Variants in DPYSL2 observed in about 807,000 individuals in gnomAD.
The protein encoded by DPYSL2 is dihydropyrimidinase-related protein 2.
A neutral mutation model predicts 69.9 loss-of-function variants in DPYSL2; 13 were observed. The observed-to-expected ratio is 0.19, with a 90% CI of 0.12 to 0.30. DPYSL2 has a LOEUF of 0.30. DPYSL2 is among the 10% of genes least tolerant of loss of function. The pLI is 1.00. For missense variants in DPYSL2, 587 were observed against 918.9 expected (o/e 0.64, Z 4.67); for synonymous variants, 326 against 359.1 (o/e 0.91, Z 1.04).
At position 26,564,226 on chromosome 8, in the gene DPYSL2, C is replaced by CCAA. The variant is rs1466932023; in HGVS notation, c.355-17741_355-17739dup. 6.6e-6 allele frequency among the ~76,000 whole-genome samples: 1 copy of CCAA among 152,122 alleles called. No homozygotes were observed. Among genetic ancestry groups the CCAA allele is most frequent in the African/African-American group, 2.4e-5 (1 of 41,414 alleles). On this transcript the variant is annotated intron_variant, in intron 1 of 13. Transcript: ENST00000521913. This position sits in a 1 kb window ranked among gnomAD's most constrained non-coding sequence, Gnocchi z 4.8. ...TTTCTAATGGAGTCAGGCGAAGAGG[C>CCAA]CAACTGTAGTGGGTTGAGAAGCAAA...
chr8:26,617,964 C>G lies in DPYSL2; in HGVS notation c.629-6179C>G. On this transcript the variant is annotated intron_variant, in intron 3 of 13. Coordinates refer to ENST00000521913, the MANE Select transcript of DPYSL2 (RefSeq NM_001197293.3). This position sits in a 1 kb window ranked among gnomAD's most constrained non-coding sequence, Gnocchi z 4.7. Reference sequence around the variant, plus strand: ...GCTCTGTGAGTGAACTAAAAGCCACCGGGTTATACCCTTTAAATGAGTGAT... The same window carrying G: ...GCTCTGTGAGTGAACTAAAAGCCACGGGGTTATACCCTTTAAATGAGTGAT... Among the ~76,000 whole-genome samples the G allele has an allele frequency of 6.6e-6, 1 of 151,986 alleles. No homozygotes were observed. Among genetic ancestry groups the G allele is most frequent in the Middle Eastern group, 3.4e-3 (1 of 294 alleles).
At chr8:26,569,396 A>C (rs1801204006) in intron 1 of DPYSL2, among the ~76,000 whole-genome samples, 1 of 151,656 alleles carries the variant, frequency 6.6e-6, no homozygotes, top group Non-Finnish European at 1.5e-5. Context: ...ACCAAAGAAA[A>C]ACCCAAAGCC....
At position 26,650,391 on chromosome 8, in the gene DPYSL2, A is replaced by G. The variant is rs1803257077; in HGVS notation, c.1597-1866A>G. The stretch of plus-strand genomic sequence containing the variant: ...TTAGCTGTGGAGTGATGTGGAAGAG[A>G]TGGCTCTTGATCCAGGCCTTAAAGG... On this transcript the variant is annotated intron_variant, in intron 11 of 13. Transcript: ENST00000521913. This position sits in a 1 kb window ranked among gnomAD's most constrained non-coding sequence, Gnocchi z 5.3. 6.6e-6 allele frequency among the ~76,000 whole-genome samples: 1 copy of G among 152,180 alleles called. No homozygotes were observed. Among genetic ancestry groups the G allele is most frequent in the South Asian group, 2.1e-4 (1 of 4,822 alleles).
chr8:26,574,650 G>C (rs2129700765), intron 1 of DPYSL2, among the ~76,000 whole-genome samples: 1 of 152,344 alleles, frequency 6.6e-6, no homozygotes. Context: ...GAAAAGTCAT[G>C]CCTGACAAAG....
rs548730223 is a variant in DPYSL2, at chr8:26,643,057, G to A, written c.1127-382G>A. 5.6e-6 allele frequency: 1 copy of A among 177,344 alleles called. No homozygotes were observed. Among genetic ancestry groups the A allele is most frequent in the African/African-American group, 2.4e-5 (1 of 42,370 alleles). 11.0% of individuals were successfully genotyped at this position (177,344 alleles called of 1,614,324 possible). ...AATGAACAGGAAGGTTAAATTTGAG[G>A]TGCCATAGGCCATGCATAAAGAACA... On this transcript the variant is annotated intron_variant, in intron 8 of 13. Transcript: ENST00000521913. This position sits in a 1 kb window ranked among gnomAD's most constrained non-coding sequence, Gnocchi z 6.5.
At chr8:26,590,166 G>A (rs1801693297) in intron 3 of DPYSL2, among the ~76,000 whole-genome samples, 1 of 152,226 alleles carries the variant, frequency 6.6e-6, no homozygotes, top group East Asian at 1.9e-4. Flanking sequence ...GTTAGAAAGT[G>A]TTTACAAAAA....
At chr8:26,537,611 T>TACACACACACACACAC (rs56080102) in intron 1 of DPYSL2, among the ~76,000 whole-genome samples, 12,659 of 147,568 alleles carry the variant, frequency 0.086, 656 homozygotes, top group Non-Finnish European at 0.11. Context: ...ATTCTCTCTC[T>TACACACACACACACAC]ACACACACAC....
At chr8:26,578,365 T>TA in intron 1 of DPYSL2, 1 of 1,601,646 alleles carries the variant, frequency 6.2e-7, no homozygotes, top group Non-Finnish European at 8.5e-7. Context: ...AAGGAATTTT[T>TA]AAAAAGGAGG....
intron 1 of DPYSL2, among the ~76,000 whole-genome samples, chr8:26,531,487 A>G (rs919215102): frequency 2.6e-5 from 4 of 152,206 alleles, no homozygotes; most frequent in Non-Finnish European, 5.9e-5. Context: ...GAGATCAGTC[A>G]GGGAGAATGT....
At position 26,514,802 on chromosome 8, in the gene DPYSL2, G is replaced by A; in HGVS notation, c.354+123G>A. The A allele has an allele frequency of 3.4e-6, 3 of 892,242 alleles. No individual in the cohort carries two copies. The highest frequency in any genetic ancestry group is 4.7e-6 in the Non-Finnish European group (3 of 642,246). The allele number at this position is 892,242 out of a possible 1,614,324, so 55.3% of individuals were successfully genotyped here. On this transcript the variant is annotated intron_variant, in intron 1 of 13. Coordinates refer to ENST00000521913, the MANE Select transcript of DPYSL2 (RefSeq NM_001197293.3). The surrounding 1 kb of genome is among the most constrained non-coding windows in gnomAD (Gnocchi z 8.4). ...TGGACCTCGCCTCCCGCATCTGCAC[G>A]CGCACCCCGCCCTACCCGCCCCTTC... is the stretch of plus-strand genomic sequence containing the variant.
At chr8:26,546,681 A>G (rs903113523) in intron 1 of DPYSL2, among the ~76,000 whole-genome samples, 40 of 152,082 alleles carry the variant, frequency 2.6e-4, no homozygotes, top group Admixed American at 1.8e-3. Flanking sequence ...GCACTTTGGG[A>G]GGCCGAGACG....
chr8:26,528,428 C>T (rs1468675045), intron 1 of DPYSL2, among the ~76,000 whole-genome samples: 3 of 152,024 alleles, frequency 2.0e-5, no homozygotes, highest in Non-Finnish European at 2.9e-5. Flanking sequence ...GCGGGTGGAT[C>T]CCGAGGTCAA....
intron 1 of DPYSL2, among the ~76,000 whole-genome samples, chr8:26,520,564 T>TGTCTATCA (rs1479581090): frequency 6.6e-6 from 1 of 152,044 alleles, no homozygotes; most frequent in Non-Finnish European, 1.5e-5. Flanking sequence ...GCTGACATTC[T>TGTCTATCA]GTCTATCATT....
Position 26,582,833 on chromosome 8 carries a change from C to T in DPYSL2, c.443+776C>T, listed in dbSNP as rs1023025769. On this transcript the variant is annotated intron_variant, in intron 2 of 13. Transcript: ENST00000521913. This position sits in a 1 kb window ranked among gnomAD's most constrained non-coding sequence, Gnocchi z 4.1. Reference sequence around the variant, plus strand: ...CATTCATCAAGGGATAGCTGTAAACCGGTCCAGAGGAGTGGAAAACTGGAG... The same window carrying T: ...CATTCATCAAGGGATAGCTGTAAACTGGTCCAGAGGAGTGGAAAACTGGAG... Among the ~76,000 whole-genome samples the T allele has an allele frequency of 6.6e-6, 1 of 152,166 alleles. No homozygotes were observed. The highest frequency in any genetic ancestry group is 1.9e-4 in the East Asian group (1 of 5,194).
chr8:26,634,909 T>G lies in DPYSL2; in HGVS notation c.1126+9T>G, dbSNP rs778681165. On this transcript the variant is annotated intron_variant, in intron 8 of 13. Transcript: ENST00000521913. ...CCAGGCACGGAAGAAGGGTGAGTGC[T>G]GTGGCCGGACTGGCTGATGGCAGGT... is the stretch of plus-strand genomic sequence containing the variant. 2 of 1,614,060 alleles carry G rather than the reference T, an allele frequency of 1.2e-6. No individual in the cohort carries two copies. Among genetic ancestry groups the G allele is most frequent in the Admixed American group, 3.3e-5 (2 of 60,024 alleles).
chr8:26,578,680 ACTCC>A, intron 1 of DPYSL2: 1 of 942,512 alleles, frequency 1.1e-6, no homozygotes, highest in Non-Finnish European at 1.3e-6. Flanking sequence ...GCGAGGCTGG[ACTCC>A]TCCAGCAGCG....
Position 26,614,032 on chromosome 8 carries a change from A to C in DPYSL2, c.629-10111A>C, listed in dbSNP as rs1263648750. ...GTGGTCCCAGCTACTCGGGAGGTTG[A>C]GGTGGGAGGATCGCTTGAGTCCTGG... On this transcript the variant is annotated intron_variant, in intron 3 of 13. Transcript: ENST00000521913. The surrounding 1 kb of genome is among the most constrained non-coding windows in gnomAD (Gnocchi z 4.9). 3.3e-5 allele frequency among the ~76,000 whole-genome samples: 5 copies of C among 152,152 alleles called. No homozygotes were observed. The highest frequency in any genetic ancestry group is 7.2e-5 in the African/African-American group (3 of 41,428).
chr8:26,577,125 C>A (rs1419225780), intron 1 of DPYSL2: 4 of 443,236 alleles, frequency 9.0e-6, no homozygotes, highest in Admixed American at 2.4e-5. Context: ...GCCTCCTTCC[C>A]GGCTCGGAGT....
Position 26,619,199 on chromosome 8 carries a change from G to T in DPYSL2, c.629-4944G>T, listed in dbSNP as rs572624008. ...AGTCATTTTCAGGCTTGTGTCCTCA[G>T]TGGGGACTCTACTCCCTCCGGAAGT... On this transcript the variant is annotated intron_variant, in intron 3 of 13. Coordinates refer to ENST00000521913, the MANE Select transcript of DPYSL2 (RefSeq NM_001197293.3). This position sits in a 1 kb window ranked among gnomAD's most constrained non-coding sequence, Gnocchi z 4.8. Among the ~76,000 whole-genome samples the T allele has an allele frequency of 7.2e-5, 11 of 152,272 alleles. No individual in the cohort carries two copies. Among genetic ancestry groups the T allele is most frequent in the Non-Finnish European group, 1.3e-4 (9 of 68,026 alleles).
Sources: gnomAD v4.1 joint callset for allele counts (sites outside exome capture counted in the v4.1 genomes callset) on GRCh38, gnomAD v4.1.1 for gene constraint, Gnocchi (gnomAD v3.1) non-coding constraint, MANE v1.5 for transcripts, NCBI Gene and HGNC (gene_info 2026-07-23, HGNC 2026-07-21) for gene names.